SHISA9: variants seen among roughly 807,000 people sequenced by gnomAD.
SHISA9 encodes shisa family member 9, also known as protein shisa-9.
SHISA9 carries 13 observed loss-of-function variants against 38.0 expected under a neutral mutation model. The observed-to-expected ratio is 0.34, with a 90% CI of 0.22 to 0.54. The LOEUF (loss-of-function observed/expected upper bound fraction) is 0.54, where lower values mean the gene tolerates loss of function less well. Ranked by LOEUF, SHISA9 falls within the 20% of genes least tolerant of loss-of-function variation. The probability of loss-of-function intolerance (pLI) is 0.91; values close to 1 mark genes in which losing one functional copy is unlikely to be tolerated. For synonymous variants in SHISA9, 275 were observed against 242.0 expected, an observed-to-expected ratio of 1.14 and a Z score of -1.27; for missense variants, 538 against 575.8, an observed-to-expected ratio of 0.93 and a Z score of 0.67.
the SHISA9 span, among the ~76,000 whole-genome samples, chr16:13,310,543 A>G: frequency 6.6e-6 from 1 of 152,210 alleles, no homozygotes; most frequent in African/African-American, 2.4e-5. Context: ...CAATAAGGTT[A>G]GGATGAAATA....
the SHISA9 span, among the ~76,000 whole-genome samples, chr16:13,546,382 C>T: frequency 2.6e-5 from 4 of 152,162 alleles, no homozygotes; most frequent in Admixed American, 2.0e-4. Flanking sequence ...TTCCCATTAG[C>T]ATTTCTTGGA....
At chr16:13,249,015 C>G in the SHISA9 span, among the ~76,000 whole-genome samples, 2 of 152,196 alleles carry the variant, frequency 1.3e-5, no homozygotes, top group Non-Finnish European at 2.9e-5. Context: ...TCTAGCTACT[C>G]TGGCTCATTG....
At chr16:13,561,449 G>T in the SHISA9 span, among the ~76,000 whole-genome samples, 413 of 152,292 alleles carry the variant, frequency 2.7e-3, 2 homozygotes, top group African/African-American at 9.2e-3. Flanking sequence ...CTACTGTGAA[G>T]CATTCTAAGT....
chr16:13,480,626 G>A, the SHISA9 span, among the ~76,000 whole-genome samples: 1 of 152,122 alleles, frequency 6.6e-6, no homozygotes, highest in African/African-American at 2.4e-5. Context: ...TTTCACCTGT[G>A]CTTTTTCTAC....
At chr16:13,082,245 T>C (rs1419920495) in intron 2 of SHISA9, 2 of 152,182 alleles carry the variant, frequency 1.3e-5, no homozygotes, top group African/African-American at 4.8e-5. Flanking sequence ...AATAAGAAAA[T>C]GCAAAACATT....
At chr16:12,955,631 A>G (rs1186103096) in intron 2 of SHISA9, among the ~76,000 whole-genome samples, 2 of 119,180 alleles carry the variant, frequency 1.7e-5, no homozygotes. Context: ...TCTTCAACAA[A>G]GTAAAAAAAA....
intron 3 of SHISA9, among the ~76,000 whole-genome samples, chr16:13,209,422 G>A (rs16961357): frequency 6.6e-6 from 1 of 152,262 alleles, no homozygotes; most frequent in South Asian, 2.1e-4. Flanking sequence ...TTTCTAAGCT[G>A]TCCTAAGGAC....
intron 2 of SHISA9, among the ~76,000 whole-genome samples, chr16:13,079,470 A>G (rs1284819694): frequency 6.6e-6 from 1 of 152,270 alleles, no homozygotes; most frequent in Non-Finnish European, 1.5e-5. Flanking sequence ...GCCATTAAAA[A>G]TGACAACATG....
intron 2 of SHISA9, among the ~76,000 whole-genome samples, chr16:12,971,437 C>T (rs2072080795): frequency 1.3e-5 from 2 of 152,292 alleles, no homozygotes; most frequent in Admixed American, 1.3e-4. Context: ...GGCTGGCTGC[C>T]CAGTCTTGAA....
At chr16:13,438,706 C>G in the SHISA9 span, among the ~76,000 whole-genome samples, 5 of 152,046 alleles carry the variant, frequency 3.3e-5, no homozygotes, top group African/African-American at 1.2e-4. Context: ...ACTGTGAAGA[C>G]TATGTAACCG....
At chr16:12,949,187 T>C (rs2071724036) in intron 2 of SHISA9, among the ~76,000 whole-genome samples, 1 of 152,142 alleles carries the variant, frequency 6.6e-6, no homozygotes, top group East Asian at 1.9e-4. Context: ...GCATGTATTA[T>C]GGGAGTACTA....
the SHISA9 span, among the ~76,000 whole-genome samples, chr16:13,349,007 G>T: frequency 2.0e-5 from 3 of 152,060 alleles, no homozygotes. Flanking sequence ...ACCCACTCTT[G>T]ACATTTGTTC....
intron 2 of SHISA9, among the ~76,000 whole-genome samples, chr16:12,996,451 G>A (rs2072458580): frequency 6.6e-6 from 1 of 152,148 alleles, no homozygotes; most frequent in Admixed American, 6.5e-5. Context: ...TGCTCTGGCT[G>A]AGTGCTTGTT....
chr16:13,098,366 C>G (rs2073847238), intron 2 of SHISA9, among the ~76,000 whole-genome samples: 1 of 152,106 alleles, frequency 6.6e-6, no homozygotes, highest in Non-Finnish European at 1.5e-5. Context: ...GTTAATGGCT[C>G]CTCTTCTTTT....
chr16:12,958,569 T>G (rs1257724948), intron 2 of SHISA9, among the ~76,000 whole-genome samples: 1 of 152,226 alleles, frequency 6.6e-6, no homozygotes, highest in African/African-American at 2.4e-5. Context: ...AGTCATGCTC[T>G]GTTGTCAGGA....
At chr16:13,442,617 T>A in the SHISA9 span, among the ~76,000 whole-genome samples, 1 of 152,110 alleles carries the variant, frequency 6.6e-6, no homozygotes, top group South Asian at 2.1e-4. Context: ...CAAATTCATT[T>A]AAAAAAATCC....
chr16:13,339,715 A>C, the SHISA9 span, among the ~76,000 whole-genome samples: 2 of 152,184 alleles, frequency 1.3e-5, no homozygotes, highest in Admixed American at 6.5e-5. Context: ...CTTTGAGGCC[A>C]ATCTGCTGAG....
the SHISA9 span, among the ~76,000 whole-genome samples, chr16:13,328,600 ACAC>A: frequency 2.0e-5 from 1 of 48,844 alleles, no homozygotes; most frequent in East Asian, 7.2e-4. Flanking sequence ...ATACACACAC[ACAC>A]ACACACACAC....
At chr16:13,234,747 A>C (rs2051364313) in intron 4 of SHISA9, among the ~76,000 whole-genome samples, 1 of 152,202 alleles carries the variant, frequency 6.6e-6, no homozygotes, top group African/African-American at 2.4e-5. Context: ...GCAGAATGGT[A>C]GGTGGGACTG....
Sources: gnomAD v4.1 joint callset for allele counts (sites outside exome capture counted in the v4.1 genomes callset) on GRCh38, gnomAD v4.1.1 for gene constraint, MANE v1.5 for transcripts, NCBI Gene and HGNC (gene_info 2026-07-23, HGNC 2026-07-21) for gene names.